Variants in SS18 observed in about 807,000 individuals in gnomAD.
SS18 encodes the protein protein SSXT.
In SS18, 28 loss-of-function variants were observed where a neutral mutation model predicts 72.5. The observed-to-expected ratio is 0.39, with a 90% CI of 0.29 to 0.53. SS18 has a LOEUF of 0.53. SS18 is among the 20% of genes least tolerant of loss of function. The pLI is 0.76. For missense variants in SS18, 518 were observed against 535.3 expected, an observed-to-expected ratio of 0.97 and a Z score of 0.32; for synonymous variants, 172 against 164.2, an observed-to-expected ratio of 1.05 and a Z score of -0.37.
In SS18 at chr18:26,035,151, A is replaced by G. The variant is rs761948161; in HGVS notation, c.974-24T>C. ...TCCTACAGGATAATTGGAGAAGAGGAAAAAAAACTGAGAAGTCTGCTTAAG... is the reference window on the plus strand; with the variant it reads ...TCCTACAGGATAATTGGAGAAGAGGGAAAAAAACTGAGAAGTCTGCTTAAG... On this transcript the variant is annotated intron_variant, in intron 8 of 10. Transcript: ENST00000415083. The surrounding 1 kb of genome is among the most constrained non-coding windows in gnomAD (Gnocchi z 4.4). 2 of 1,606,494 alleles carry G rather than the reference A, an allele frequency of 1.2e-6. No homozygotes were observed. Among genetic ancestry groups the G allele is most frequent in the South Asian group, 1.1e-5 (1 of 90,266 alleles).
At chr18:26,090,406 T>A in intron 1 of SS18, 95 bp downstream of exon 1, 1 of 1,293,240 alleles carries the variant, frequency 7.7e-7, no homozygotes, top group Non-Finnish European at 1.1e-6. Context: ...CGCCTCCGCC[T>A]CGGCCCGGTC....
At chr18:26,056,548 A>G (rs990315328) in intron 4 of SS18, among the ~76,000 whole-genome samples, 5 of 152,198 alleles carry the variant, frequency 3.3e-5, no homozygotes, top group African/African-American at 1.2e-4. Flanking sequence ...TCACACCTCA[A>G]TCTTCTATAA....
chr18:26,048,228 T>C (rs912189388), intron 5 of SS18, among the ~76,000 whole-genome samples: 2 of 152,214 alleles, frequency 1.3e-5, no homozygotes, highest in African/African-American at 4.8e-5. Flanking sequence ...GTTCAAGTAT[T>C]CATATATTTT....
rs150400353 is a variant in SS18, at chr18:26,032,577, C to T, written c.1097-45G>A. 1,282 of 1,601,260 alleles carry T rather than the reference C, an allele frequency of 8.0e-4. 5 individuals carry two copies. The African/African-American group carries it at 0.014, about 17-fold the overall frequency. ...CAAAAACCCACATAAAAAGGTAAGTCCCTAGAACTCAGGGAAGGATGTGAA... is the reference window on the plus strand; with the variant it reads ...CAAAAACCCACATAAAAAGGTAAGTTCCTAGAACTCAGGGAAGGATGTGAA... On this transcript the variant is annotated intron_variant, in intron 9 of 10. Coordinates refer to ENST00000415083, the MANE Select transcript of SS18 (RefSeq NM_001007559.3).
At chr18:26,034,790 G>A (rs933610097) in intron 9 of SS18, among the ~76,000 whole-genome samples, 1 of 151,860 alleles carries the variant, frequency 6.6e-6, no homozygotes, top group Non-Finnish European at 1.5e-5. Context: ...CATTACCTTT[G>A]GTCATGAACC....
At chr18:26,034,432 ATAAG>A (rs148716977) in intron 9 of SS18, among the ~76,000 whole-genome samples, 83 of 152,310 alleles carry the variant, frequency 5.4e-4, no homozygotes, top group Admixed American at 3.9e-3. Flanking sequence ...AGCAGGTATT[ATAAG>A]TGAGTATATA....
intron 10 of SS18, among the ~76,000 whole-genome samples, chr18:26,019,617 CCTGA>C (rs1159924247): frequency 6.6e-6 from 1 of 151,856 alleles, no homozygotes; most frequent in Non-Finnish European, 1.5e-5. Flanking sequence ...TCGAGACCAG[CCTGA>C]CTAACATGGT....
chr18:26,088,041 C>G (rs898489027), intron 1 of SS18, among the ~76,000 whole-genome samples: 1 of 152,092 alleles, frequency 6.6e-6, no homozygotes, highest in Non-Finnish European at 1.5e-5. Flanking sequence ...CCCTTGGGTC[C>G]TTTTAATATA....
At chr18:26,071,432 T>A (rs1010738310) in intron 3 of SS18, among the ~76,000 whole-genome samples, 1 of 152,216 alleles carries the variant, frequency 6.6e-6, no homozygotes, top group East Asian at 1.9e-4. Flanking sequence ...TACATTGATA[T>A]CTGAATTTTC....
chr18:26,050,441 A>T (rs1442010391), intron 5 of SS18, among the ~76,000 whole-genome samples: 1 of 152,152 alleles, frequency 6.6e-6, no homozygotes, highest in Non-Finnish European at 1.5e-5. Flanking sequence ...AATGAAATGA[A>T]TATTAAAACT....
chr18:26,035,948 G>T lies in SS18; in HGVS notation c.881-25C>A. On this transcript the variant is annotated intron_variant, in intron 7 of 10. Coordinates refer to ENST00000415083, the MANE Select transcript of SS18 (RefSeq NM_001007559.3). This position sits in a 1 kb window ranked among gnomAD's most constrained non-coding sequence, Gnocchi z 4.4. ...CCTACATCAATTCGACAAGAGACAG[G>T]AAGAAACGTTAATGGCCACTGAGTG... 4.6e-6 allele frequency: 7 copies of T among 1,516,486 alleles called. No individual in the cohort carries two copies. Among genetic ancestry groups the T allele is most frequent in the Non-Finnish European group, 6.3e-6 (7 of 1,102,974 alleles). The allele number at this position is 1,516,486 out of a possible 1,614,324, so 93.9% of individuals were successfully genotyped here.
chr18:26,030,354 T>TCC (rs2053523677), intron 10 of SS18, among the ~76,000 whole-genome samples: 2 of 152,214 alleles, frequency 1.3e-5, no homozygotes, highest in South Asian at 4.1e-4. Flanking sequence ...CACTTATATA[T>TCC]AATATTTCCG....
At chr18:26,055,292 C>CCAGCCTGG (rs899365385) in intron 4 of SS18, among the ~76,000 whole-genome samples, 1 of 151,836 alleles carries the variant, frequency 6.6e-6, no homozygotes, top group Admixed American at 6.5e-5. Context: ...CATGGTGAAA[C>CCAGCCTGG]CCCATCTCTA....
In SS18 at chr18:26,039,450, A is replaced by G; in HGVS notation, c.614T>C (p.Met205Thr). 1 of 1,613,080 alleles carries G rather than the reference A, an allele frequency of 6.2e-7. No individual in the cohort carries two copies. Among genetic ancestry groups the G allele is most frequent in the Non-Finnish European group, 8.5e-7 (1 of 1,179,334 alleles). Reference protein sequence around the residue: ...NMSMQPNQGPMMHQQPPSQQY... With the variant: ...NMSMQPNQGPTMHQQPPSQQY... ...CTGAGAAGGAGGCTGCTGATGCATC[A>G]TTGGACCTGAAACAAGACACAACAT... The change falls in exon 6 of 11, where the codon ATG becomes ACG. Residue 205 changes from methionine (M) to threonine (T), a missense_variant. Physicochemically the swap from Met to Thr is moderately conservative, Grantham distance 81. Coordinates refer to ENST00000415083, the MANE Select transcript of SS18 (RefSeq NM_001007559.3).
Position 26,040,703 on chromosome 18 carries a change from A to C in SS18, c.608-1247T>G, listed in dbSNP as rs373289934. Among the ~76,000 whole-genome samples the C allele has an allele frequency of 2.0e-5, 3 of 152,246 alleles. No individual in the cohort carries two copies. In the South Asian group the frequency reaches 6.2e-4, roughly 32 times the overall value. On this transcript the variant is annotated intron_variant, in intron 5 of 10. Transcript: ENST00000415083. ...GAAGAACTGTTTTATCTGAAGGAGT[A>C]CTTTATCAGAGATAACTGTTTTTCT... is the stretch of plus-strand genomic sequence containing the variant.
At chr18:26,037,396 A>G (rs566232765) in intron 7 of SS18, among the ~76,000 whole-genome samples, 6 of 152,118 alleles carry the variant, frequency 3.9e-5, no homozygotes, top group Admixed American at 2.0e-4. Flanking sequence ...CTTAATACAT[A>G]TAATTTAACA....
chr18:26,052,940 G>C, intron 4 of SS18, 95 bp from the exon 5 acceptor site: 1 of 938,128 alleles, frequency 1.1e-6, no homozygotes, highest in African/African-American at 1.7e-5. Context: ...CATTATTATA[G>C]TAATACCAAA....
At chr18:26,067,344 A>G (rs946473795) in intron 3 of SS18, among the ~76,000 whole-genome samples, 2 of 152,240 alleles carry the variant, frequency 1.3e-5, no homozygotes, top group African/African-American at 2.4e-5. Flanking sequence ...GACTAAGAGA[A>G]CTAAGTGTTT....
intron 7 of SS18, among the ~76,000 whole-genome samples, chr18:26,036,823 C>T (rs990012866): frequency 6.6e-5 from 10 of 152,168 alleles, no homozygotes; most frequent in Middle Eastern, 3.4e-3. Flanking sequence ...CAAACTATGG[C>T]CTGCAGTCTT....
Sources: allele counts gnomAD v4.1 joint callset (sites outside exome capture counted in the v4.1 genomes callset), GRCh38; gene constraint gnomAD v4.1.1; non-coding constraint Gnocchi (gnomAD v3.1); transcripts MANE v1.5; gene names NCBI Gene and HGNC (gene_info 2026-07-23, HGNC 2026-07-21).